UBA6: variants seen among roughly 807,000 people sequenced by gnomAD.
UBA6 encodes the protein ubiquitin like modifier activating enzyme 6, also known as ubiquitin-like modifier-activating enzyme 6.
A neutral mutation model predicts 148.3 loss-of-function variants in UBA6; 87 were observed. That is an observed-to-expected ratio of 0.59 (90% CI 0.49 to 0.70). The LOEUF is 0.70. UBA6 is among the 30% of genes least tolerant of loss of function. UBA6 has a pLI of 0.00. For missense variants in UBA6, 1,186 were observed against 1,241.2 expected (o/e 0.96, Z 0.67); for synonymous variants, 376 against 401.0 (o/e 0.94, Z 0.75).
At chr4:67,646,874 G>C in intron 14 of UBA6, 83 bp from the exon 15 acceptor site, 1 of 680,548 alleles carries the variant, frequency 1.5e-6, no homozygotes, top group Non-Finnish European at 2.1e-6. Context: ...TTATTTAATA[G>C]TCATGAAGAA....
intron 13 of UBA6, among the ~76,000 whole-genome samples, chr4:67,651,554 G>GT (rs762971324): frequency 6.6e-6 from 1 of 152,080 alleles, no homozygotes; most frequent in Non-Finnish European, 1.5e-5. Context: ...AGTGAACAAA[G>GT]TAAGAGCCCA....
At chr4:67,697,253 C>T (rs956706934) in intron 1 of UBA6, among the ~76,000 whole-genome samples, 7 of 152,216 alleles carry the variant, frequency 4.6e-5, no homozygotes, top group Non-Finnish European at 8.8e-5. Flanking sequence ...GATCCACCCG[C>T]CTCAGCGTCC....
At chr4:67,688,893 G>A (rs182905233) in intron 2 of UBA6, among the ~76,000 whole-genome samples, 1 of 152,076 alleles carries the variant, frequency 6.6e-6, no homozygotes, top group East Asian at 1.9e-4. Context: ...TGTGTATCTA[G>A]TAAATACTAA....
Position 67,694,238 on chromosome 4 carries a change from A to G in UBA6, c.134+2407T>C, listed in dbSNP as rs1245700126. Among the ~76,000 whole-genome samples the G allele has an allele frequency of 1.5e-4, 22 of 147,818 alleles. 1 individual carries two copies. Among genetic ancestry groups the G allele is most frequent in the Non-Finnish European group, 4.5e-5 (3 of 67,040 alleles). ...CTCAAAAAAAAAAAAAAAAAAAAAA[A>G]AAAAAAGAAAAAATACAAAACTACC... On this transcript the variant is annotated intron_variant, in intron 2 of 32. Transcript: ENST00000322244.
At position 67,663,916 on chromosome 4, in the gene UBA6, T is replaced by C. The variant is rs371954257; in HGVS notation, c.929A>G (p.Lys310Arg). The C allele has an allele frequency of 1.4e-5, 22 of 1,613,274 alleles. No homozygotes were observed. The African/African-American group carries it at 2.1e-4, about 16-fold the overall frequency. ...ESLERQLKHP[K>R]CLIVDFSNPE... ...GTTGCTAAAATCCACAATAAGGCACTTTGGATGTTTTAACTGCCTCTCCAG... is the reference window on the plus strand; with the variant it reads ...GTTGCTAAAATCCACAATAAGGCACCTTGGATGTTTTAACTGCCTCTCCAG... The change falls in exon 11 of 33, where the codon AAG becomes AGG. Residue 310 changes from lysine to arginine, a missense_variant. By Grantham distance (26) the Lys-to-Arg change is conservative. Coordinates refer to ENST00000322244, the MANE Select transcript of UBA6 (RefSeq NM_018227.6).
chr4:67,619,040 G>A lies in UBA6; in HGVS notation c.3116C>T (p.Pro1039Leu), dbSNP rs559907307. 16 of 1,613,780 alleles carry A rather than the reference G, an allele frequency of 9.9e-6. No homozygotes were observed. The highest frequency in any genetic ancestry group is 2.2e-5 in the East Asian group (1 of 44,836). Residue 1039 changes from proline (P) to leucine (L), a missense_variant, in exon 33 of 33, where the codon CCG becomes CTG. Pro to Leu is a moderately conservative substitution (Grantham distance 98). Coordinates refer to ENST00000322244, the MANE Select transcript of UBA6 (RefSeq NM_018227.6). The part of the protein sequence containing the change: ...APDIDGDEDL[P>L]GPPVRYYFSH... ...GAAGTAGTATCTTACTGGAGGTCCCGGCAAATCTTCATCTCCATCAATGTC... is the reference window on the plus strand; with the variant it reads ...GAAGTAGTATCTTACTGGAGGTCCCAGCAAATCTTCATCTCCATCAATGTC...
rs762818454 is a variant in UBA6, at chr4:67,653,074, AT to A, written c.1105-3864del. On this transcript the variant is annotated intron_variant, in intron 13 of 32. Coordinates refer to ENST00000322244, the MANE Select transcript of UBA6 (RefSeq NM_018227.6). ...CAGCTCAGCAAGGCCTACTGCCTCT[AT>A]AGACTCAACCTCTGTGGGCAGGGCT... Among the ~76,000 whole-genome samples the A allele has an allele frequency of 6.6e-5, 10 of 152,332 alleles. No homozygotes were observed. The East Asian group carries it at 1.4e-3, about 21-fold the overall frequency.
At chr4:67,644,627 C>T (rs759414689) in intron 17 of UBA6, 71 bp downstream of exon 17, 8 of 860,206 alleles carry the variant, frequency 9.3e-6, no homozygotes, top group Non-Finnish European at 1.4e-5. Flanking sequence ...CAGATTTATG[C>T]AGTCAAATAT....
intron 19 of UBA6, among the ~76,000 whole-genome samples, chr4:67,636,826 G>C (rs1269166348): frequency 1.3e-5 from 2 of 152,156 alleles, no homozygotes; most frequent in Admixed American, 6.5e-5. Context: ...CGTCTGGGAA[G>C]TGAGGAGCGT....
In UBA6 at chr4:67,663,945, T is replaced by C. The variant is rs755456754; in HGVS notation, c.900A>G (p.Glu300=). 3 of 1,612,056 alleles carry C rather than the reference T, an allele frequency of 1.9e-6. No individual in the cohort carries two copies. In the South Asian group the frequency reaches 3.3e-5, roughly 18 times the overall value. Reference sequence around the variant, plus strand: ...GATGTTTTAACTGCCTCTCCAGTGATTCCTGATAGGAAGGAAAAAGTCATT... The same window carrying C: ...GATGTTTTAACTGCCTCTCCAGTGACTCCTGATAGGAAGGAAAAAGTCATT... ...QVKTPKTVFF[E]SLERQLKHPK... The change falls in exon 11 of 33, where the codon GAA becomes GAG. Residue 300 remains glutamate (E), a splice_region_variant and synonymous_variant. Coordinates refer to ENST00000322244, the MANE Select transcript of UBA6 (RefSeq NM_018227.6).
chr4:67,659,222 A>G (rs1729778244), intron 13 of UBA6, among the ~76,000 whole-genome samples: 1 of 152,180 alleles, frequency 6.6e-6, no homozygotes, highest in African/African-American at 2.4e-5. Context: ...TTGTGTAATT[A>G]TAGAACATAT....
intron 2 of UBA6, among the ~76,000 whole-genome samples, chr4:67,696,084 C>G (rs112640624): frequency 0.011 from 1,747 of 152,198 alleles, 41 homozygotes; most frequent in African/African-American, 0.04. Context: ...TTCAATCACA[C>G]AGTATTTCTC....
intron 2 of UBA6, among the ~76,000 whole-genome samples, chr4:67,688,021 C>T (rs1238090589): frequency 6.6e-6 from 1 of 152,150 alleles, no homozygotes; most frequent in African/African-American, 2.4e-5. Flanking sequence ...TTCAAAAAGA[C>T]TGGTATTCCG....
chr4:67,652,318 G>T (rs1000792391), intron 13 of UBA6, among the ~76,000 whole-genome samples: 2 of 152,024 alleles, frequency 1.3e-5, no homozygotes, highest in Non-Finnish European at 2.9e-5. Context: ...ACATATGAAT[G>T]GCAAATAAGC....
At chr4:67,621,806 A>AAAAC (rs1334747374) in intron 32 of UBA6, among the ~76,000 whole-genome samples, 2 of 152,242 alleles carry the variant, frequency 1.3e-5, no homozygotes, top group Non-Finnish European at 2.9e-5. Context: ...CTCCGTCTCA[A>AAAAC]AAACAAACAA....
At position 67,631,907 on chromosome 4, in the gene UBA6, G is replaced by C. The variant is rs1044404373; in HGVS notation, c.2144C>G (p.Ala715Gly). ...LKFEKYFNHK[A>G]LQLLHCFPLD... Reference sequence around the variant, plus strand: ...AGGGAAACAGTGAAGAAGCTGAAGAGCCTAAAGAAAAAAAATGAATTAAAG... The same window carrying C: ...AGGGAAACAGTGAAGAAGCTGAAGACCCTAAAGAAAAAAAATGAATTAAAG... Residue 715 changes from alanine (A) to glycine (G), a missense_variant and splice_region_variant, in exon 24 of 33, where the codon GCT (alanine) becomes GGT (glycine). Ala to Gly is a moderately conservative substitution (Grantham distance 60). Coordinates refer to ENST00000322244, the MANE Select transcript of UBA6 (RefSeq NM_018227.6). The C allele has an allele frequency of 6.2e-7, 1 of 1,608,686 alleles. No homozygotes were observed. The highest frequency in any genetic ancestry group is 2.2e-5 in the East Asian group (1 of 44,740).
chr4:67,635,158 AATCTAATAGTTTGTTCTT>A, intron 20 of UBA6, among the ~76,000 whole-genome samples: 1 of 152,232 alleles, frequency 6.6e-6, no homozygotes, highest in South Asian at 2.1e-4. Context: ...TTCTAGTCTC[AATCTAATAGTTTGTTCTT>A]ATCAAACAAT....
At position 67,618,711 on chromosome 4, in the gene UBA6, T is replaced by A. The variant is rs182932591; in HGVS notation, c.*286A>T. 4.0e-5 allele frequency: 10 copies of A among 249,594 alleles called. No individual in the cohort carries two copies. The highest frequency in any genetic ancestry group is 6.8e-5 in the Non-Finnish European group (9 of 132,214). 15.5% of individuals were successfully genotyped at this position (249,594 alleles called of 1,614,324 possible). On this transcript the variant is annotated 3_prime_UTR_variant, in exon 33 of 33. Transcript: ENST00000322244. ...CATACATATTTTTTCCTTCTTTTTATCCAGAGAGATTAATACACAGATTAA... is the reference window on the plus strand; with the variant it reads ...CATACATATTTTTTCCTTCTTTTTAACCAGAGAGATTAATACACAGATTAA...
intron 9 of UBA6, among the ~76,000 whole-genome samples, chr4:67,666,344 T>A (rs1383939807): frequency 6.6e-6 from 1 of 151,034 alleles, no homozygotes; most frequent in East Asian, 1.9e-4. Context: ...ACTTAATATA[T>A]TATATAATAC....
Sources: gnomAD v4.1 joint callset for allele counts (sites outside exome capture counted in the v4.1 genomes callset) on GRCh38, gnomAD v4.1.1 for gene constraint, MANE v1.5 for transcripts, NCBI Gene and HGNC (gene_info 2026-07-23, HGNC 2026-07-21) for gene names.